The following ZFYVE9 variants were observed in gnomAD, a reference collection of about 807,000 sequenced individuals.
The protein encoded by ZFYVE9 is zinc finger FYVE-type containing 9, also known as zinc finger FYVE domain-containing protein 9.
Under a neutral mutation model 126.7 loss-of-function variants are expected in ZFYVE9, and 43 were observed. The observed-to-expected ratio is 0.34, with a 90% CI of 0.27 to 0.44. The LOEUF (loss-of-function observed/expected upper bound fraction) is 0.44. Among genes scored for constraint, ZFYVE9 ranks in the 20% least tolerant of loss-of-function variants. The pLI, the probability that ZFYVE9 is intolerant of heterozygous loss-of-function variation, is 1.00. For synonymous variants in ZFYVE9, 521 were observed against 597.4 expected (o/e 0.87, Z 1.87); for missense variants, 1,476 against 1,697.0 (o/e 0.87, Z 2.29).
At chr1:52,147,495 A>G (rs558347680) in intron 1 of ZFYVE9, among the ~76,000 whole-genome samples, 10 of 152,312 alleles carry the variant, frequency 6.6e-5, no homozygotes, top group African/African-American at 2.4e-4. Flanking sequence ...GTGGAATCAT[A>G]CGATATATGA....
At chr1:52,289,266 T>C in intron 10 of ZFYVE9, among the ~76,000 whole-genome samples, 1 of 152,184 alleles carries the variant, frequency 6.6e-6, no homozygotes, top group East Asian at 1.9e-4. Flanking sequence ...TTGCCACTTA[T>C]TTACCTCGTC....
intron 1 of ZFYVE9, among the ~76,000 whole-genome samples, chr1:52,201,478 G>A (rs1644922721): frequency 6.7e-6 from 1 of 148,440 alleles, no homozygotes; most frequent in African/African-American, 2.5e-5. Flanking sequence ...CTGGGTTCAT[G>A]CCATTCTCCT....
chr1:52,282,729 C>T (rs184944910), intron 10 of ZFYVE9, among the ~76,000 whole-genome samples: 79 of 152,148 alleles, frequency 5.2e-4, no homozygotes, highest in African/African-American at 1.9e-3. Flanking sequence ...GCAACATTAC[C>T]TAAATTTAAC....
At chr1:52,214,671 T>G (rs925388604) in intron 1 of ZFYVE9, among the ~76,000 whole-genome samples, 1 of 151,490 alleles carries the variant, frequency 6.6e-6, no homozygotes, top group African/African-American at 2.4e-5. Flanking sequence ...TATGGAGGGG[T>G]GTGTGTGTGT....
rs562469863 is a variant in ZFYVE9, at chr1:52,290,147, A to G, written c.3026-3306A>G. Among the ~76,000 whole-genome samples, 16 of 152,350 alleles carry G rather than the reference A, an allele frequency of 1.1e-4. 1 individual carries two copies. The South Asian group carries it at 3.3e-3, about 32-fold the overall frequency. On this transcript the variant is annotated intron_variant, in intron 10 of 18. Coordinates refer to ENST00000287727, the MANE Select transcript of ZFYVE9 (RefSeq NM_004799.4). Reference sequence around the variant, plus strand: ...TATTTCCTGTAGTTCTCATGGCTGCAAAGTCCAAGATTGAGGGGTAGGCAT... The same window carrying G: ...TATTTCCTGTAGTTCTCATGGCTGCGAAGTCCAAGATTGAGGGGTAGGCAT...
At chr1:52,180,706 T>C (rs1644690597) in intron 1 of ZFYVE9, among the ~76,000 whole-genome samples, 1 of 152,184 alleles carries the variant, frequency 6.6e-6, no homozygotes, top group Admixed American at 6.5e-5. Context: ...CCGGGCGCGG[T>C]GGCTTACGCC....
At chr1:52,261,697 A>G (rs530124364) in intron 4 of ZFYVE9, among the ~76,000 whole-genome samples, 74 of 152,290 alleles carry the variant, frequency 4.9e-4, no homozygotes, top group African/African-American at 1.5e-3. Flanking sequence ...GGCAGATGTG[A>G]AGATTAGGAG....
intron 1 of ZFYVE9, among the ~76,000 whole-genome samples, chr1:52,212,669 A>G (rs1003461199): frequency 6.6e-6 from 1 of 152,196 alleles, no homozygotes. Context: ...TACTTAATTA[A>G]ATAATTAAAT....
chr1:52,298,009 T>C (rs1293889812), intron 12 of ZFYVE9, among the ~76,000 whole-genome samples: 1 of 152,174 alleles, frequency 6.6e-6, no homozygotes, highest in Non-Finnish European at 1.5e-5. Flanking sequence ...TTGGGTTGTC[T>C]TTTTGCTGCT....
intron 17 of ZFYVE9, among the ~76,000 whole-genome samples, chr1:52,341,269 A>G (rs1180744855): frequency 6.6e-6 from 1 of 152,228 alleles, no homozygotes; most frequent in Non-Finnish European, 1.5e-5. Flanking sequence ...TAACTTGCTC[A>G]AGATTACAAG....
chr1:52,284,545 A>G (rs982251891), intron 10 of ZFYVE9, among the ~76,000 whole-genome samples: 1 of 151,596 alleles, frequency 6.6e-6, no homozygotes, highest in Non-Finnish European at 1.5e-5. Context: ...CCAGCCTCCC[A>G]AGTAGCTGGG....
At chr1:52,313,205 CAGCTTGT>C (rs1646154060) in intron 13 of ZFYVE9, among the ~76,000 whole-genome samples, 1 of 152,180 alleles carries the variant, frequency 6.6e-6, no homozygotes, top group African/African-American at 2.4e-5. Flanking sequence ...TTAAGCCATC[CAGCTTGT>C]ACTTTGATAT....
At chr1:52,180,106 T>C in intron 1 of ZFYVE9, 1 of 949,894 alleles carries the variant, frequency 1.1e-6, no homozygotes, top group Non-Finnish European at 1.7e-6. Context: ...AAGAATAAAT[T>C]TGAAGAAGTT....
intron 2 of ZFYVE9, among the ~76,000 whole-genome samples, chr1:52,223,653 A>G (rs542732525): frequency 3.9e-4 from 60 of 152,182 alleles, no homozygotes; most frequent in African/African-American, 9.6e-4. Context: ...TAAGAATTCT[A>G]TGGGCCTTTC....
intron 4 of ZFYVE9, among the ~76,000 whole-genome samples, chr1:52,240,630 G>T (rs947779028): frequency 2.0e-5 from 3 of 152,170 alleles, no homozygotes; most frequent in Admixed American, 6.5e-5. Flanking sequence ...TGGGTGCAGA[G>T]ACAGGATCGT....
At chr1:52,176,814 T>C (rs1644635976) in intron 1 of ZFYVE9, among the ~76,000 whole-genome samples, 1 of 152,132 alleles carries the variant, frequency 6.6e-6, no homozygotes, top group African/African-American at 2.4e-5. Flanking sequence ...GGATATAATC[T>C]CCTGGTGCGC....
chr1:52,157,774 T>G (rs1257317603), intron 1 of ZFYVE9, among the ~76,000 whole-genome samples: 1 of 152,188 alleles, frequency 6.6e-6, no homozygotes, highest in Admixed American at 6.5e-5. Flanking sequence ...TCTTTCAACA[T>G]GAATCATAAT....
chr1:52,281,065 A>C (rs1645797747), intron 9 of ZFYVE9, among the ~76,000 whole-genome samples: 1 of 151,974 alleles, frequency 6.6e-6, no homozygotes, highest in South Asian at 2.1e-4. Flanking sequence ...ATAGGAGTTA[A>C]AAGTTTTAAG....
chr1:52,207,983 G>A (rs1400902671), intron 1 of ZFYVE9, among the ~76,000 whole-genome samples: 1 of 152,196 alleles, frequency 6.6e-6, no homozygotes, highest in African/African-American at 2.4e-5. Flanking sequence ...AAGAAACTGA[G>A]ATTCAGAGAG....
Sources: gnomAD v4.1 joint callset for allele counts (sites outside exome capture counted in the v4.1 genomes callset) on GRCh38, gnomAD v4.1.1 for gene constraint, MANE v1.5 for transcripts, NCBI Gene and HGNC (gene_info 2026-07-23, HGNC 2026-07-21) for gene names.